Variants in CALCRL observed in about 807,000 individuals in gnomAD.
CALCRL encodes the protein calcitonin gene-related peptide type 1 receptor.
Under a neutral mutation model 60.4 loss-of-function variants are expected in CALCRL, and 27 were observed. That is an observed-to-expected ratio of 0.45 (90% confidence interval 0.33 to 0.62). CALCRL has a LOEUF of 0.62. CALCRL is among the 20% of genes least tolerant of loss of function. CALCRL has a pLI of 0.03. For missense variants in CALCRL, 424 were observed against 540.7 expected (o/e 0.78, Z 2.14); for synonymous variants, 190 against 182.6 (o/e 1.04, Z -0.33).
At chr2:187,437,441 G>A (rs1243254624) in intron 1 of CALCRL, among the ~76,000 whole-genome samples, 1 of 151,942 alleles carries the variant, frequency 6.6e-6, no homozygotes, top group Non-Finnish European at 1.5e-5. Flanking sequence ...TTTCTTTCAA[G>A]GCTTTTATTT....
intron 12 of CALCRL, among the ~76,000 whole-genome samples, chr2:187,354,687 A>C (rs1686693155): frequency 6.6e-6 from 1 of 152,016 alleles, no homozygotes; most frequent in African/African-American, 2.4e-5. Flanking sequence ...ACAAGATGGG[A>C]AAGTTTTAGG....
chr2:187,424,296 A>G (rs1690025033), intron 1 of CALCRL, among the ~76,000 whole-genome samples: 2 of 152,096 alleles, frequency 1.3e-5, no homozygotes, highest in African/African-American at 4.8e-5. Context: ...AGCTGCAAAT[A>G]TTTGTGTTGG....
At chr2:187,395,182 G>C (rs181700591) in intron 1 of CALCRL, among the ~76,000 whole-genome samples, 4 of 152,140 alleles carry the variant, frequency 2.6e-5, no homozygotes, top group Admixed American at 2.6e-4. Context: ...TCCAAGCTCA[G>C]AACTCAGGTT....
chr2:187,439,851 A>G (rs1384639348), intron 1 of CALCRL, among the ~76,000 whole-genome samples: 1 of 152,182 alleles, frequency 6.6e-6, no homozygotes, highest in Non-Finnish European at 1.5e-5. Flanking sequence ...GGCAGTAAGT[A>G]AACTTGTCTA....
chr2:187,409,152 A>C (rs1689254447), intron 1 of CALCRL, among the ~76,000 whole-genome samples: 1 of 152,116 alleles, frequency 6.6e-6, no homozygotes, highest in African/African-American at 2.4e-5. Flanking sequence ...ATAATGATGG[A>C]TAATAGCCTT....
chr2:187,382,754 T>A (rs1237029711), intron 5 of CALCRL, among the ~76,000 whole-genome samples: 3 of 152,074 alleles, frequency 2.0e-5, no homozygotes, highest in African/African-American at 7.2e-5. Flanking sequence ...CCAAATGTAC[T>A]ATGCAAAGTG....
At chr2:187,405,263 A>G (rs1258932080) in intron 1 of CALCRL, among the ~76,000 whole-genome samples, 6 of 152,020 alleles carry the variant, frequency 3.9e-5, no homozygotes, top group Admixed American at 6.6e-5. Context: ...GTAAAATTAT[A>G]TGTGAACATT....
rs550638494 is a variant in CALCRL, at chr2:187,372,092, C to CTTT, written c.500+6847_500+6848insAAA. 4.3e-3 allele frequency among the ~76,000 whole-genome samples: 650 copies of CTTT among 151,818 alleles called. 4 individuals are homozygous for CTTT. The highest frequency in any genetic ancestry group is 0.015 in the African/African-American group (618 of 41,400). On this transcript the variant is annotated intron_variant, in intron 8 of 14. Transcript: ENST00000392370. ...TAGTTCCAAATATGCAACTTGGCTT[C>CTTT]TAAATTGTTTGGGGTCAGTATCTGA...
chr2:187,364,152 CAA>C (rs1687177375), intron 8 of CALCRL, among the ~76,000 whole-genome samples: 1 of 148,846 alleles, frequency 6.7e-6, no homozygotes, highest in Non-Finnish European at 1.5e-5. Flanking sequence ...TTGTATAAAA[CAA>C]AAGAGAGTTC....
At chr2:187,421,979 A>T (rs921552338) in intron 1 of CALCRL, among the ~76,000 whole-genome samples, 1 of 152,224 alleles carries the variant, frequency 6.6e-6, no homozygotes, top group Non-Finnish European at 1.5e-5. Context: ...AGTGGACAAA[A>T]GGAAAGATAT....
intron 8 of CALCRL, among the ~76,000 whole-genome samples, chr2:187,370,919 T>A (rs1158093702): frequency 6.6e-6 from 1 of 152,252 alleles, no homozygotes; most frequent in Non-Finnish European, 1.5e-5. Flanking sequence ...CACTAACTGA[T>A]TAAAATTCAT....
At chr2:187,415,225 C>T (rs914136824) in intron 1 of CALCRL, among the ~76,000 whole-genome samples, 1 of 152,148 alleles carries the variant, frequency 6.6e-6, no homozygotes, top group Non-Finnish European at 1.5e-5. Context: ...TAGACAAATG[C>T]TTCCTAAATG....
At chr2:187,408,559 A>G (rs1689229548) in intron 1 of CALCRL, among the ~76,000 whole-genome samples, 1 of 152,104 alleles carries the variant, frequency 6.6e-6, no homozygotes, top group Non-Finnish European at 1.5e-5. Flanking sequence ...AAATAAATGT[A>G]TTTACTCTAA....
At chr2:187,435,190 TA>T (rs1690578802) in intron 1 of CALCRL, among the ~76,000 whole-genome samples, 1 of 152,138 alleles carries the variant, frequency 6.6e-6, no homozygotes, top group Non-Finnish European at 1.5e-5. Context: ...GCAGGCTGTA[TA>T]AGCATGGCTC....
rs181254249 is a variant in CALCRL at position 187,440,165 on chromosome 2, G to A, written c.-293+7874C>T. 2.7e-4 allele frequency among the ~76,000 whole-genome samples: 41 copies of A among 151,800 alleles called. 1 individual carries two copies. The East Asian group carries it at 6.4e-3, about 24-fold the overall frequency. On this transcript the variant is annotated intron_variant, in intron 1 of 14. Coordinates refer to ENST00000392370, the MANE Select transcript of CALCRL (RefSeq NM_005795.6). The stretch of plus-strand genomic sequence containing the variant: ...GTTTTTAAACTGGAATGGATATACT[G>A]TAGTAACTGATGTCCATATGCATAT...
intron 8 of CALCRL, among the ~76,000 whole-genome samples, chr2:187,367,030 T>C (rs1023859561): frequency 1.1e-4 from 17 of 151,662 alleles, no homozygotes; most frequent in Non-Finnish European, 1.0e-4. Context: ...ACCCAAACAA[T>C]ATCATTATGG....
At chr2:187,425,493 A>G (rs1376367667) in intron 1 of CALCRL, among the ~76,000 whole-genome samples, 2 of 151,914 alleles carry the variant, frequency 1.3e-5, no homozygotes, top group Non-Finnish European at 2.9e-5. Context: ...TCCATCTGAT[A>G]CATGTAATAT....
Position 187,352,154 on chromosome 2 carries a change from T to C in CALCRL, c.1088A>G (p.Glu363Gly). Reference sequence around the variant, plus strand: ...GATGTGCATGATGTAGTCATATACCTCCTCTGCAATCTTTCCTTCAGGTCG... The same window carrying C: ...GATGTGCATGATGTAGTCATATACCCCCTCTGCAATCTTTCCTTCAGGTCG... The part of the protein sequence containing the change: ...PWRPEGKIAE[E>G]VYDYIMHILM... The change falls in exon 13 of 15, where the codon GAG (glutamate) becomes GGG (glycine). Residue 363 changes from glutamate (E) to glycine (G), a missense_variant. Coordinates refer to ENST00000392370, the MANE Select transcript of CALCRL (RefSeq NM_005795.6). 3 of 1,612,396 alleles carry C rather than the reference T, an allele frequency of 1.9e-6. No individual in the cohort carries two copies. Among genetic ancestry groups the C allele is most frequent in the Non-Finnish European group, 2.5e-6 (3 of 1,178,920 alleles).
chr2:187,364,458 ATG>A (rs561065470), intron 8 of CALCRL, among the ~76,000 whole-genome samples: 152 of 151,924 alleles, frequency 1.0e-3, no homozygotes, highest in African/African-American at 3.5e-3. Flanking sequence ...AAATTTCATG[ATG>A]TGTGTGTGTG....
Sources: gnomAD v4.1 joint callset for allele counts (sites outside exome capture counted in the v4.1 genomes callset) on GRCh38, gnomAD v4.1.1 for gene constraint, MANE v1.5 for transcripts, NCBI Gene and HGNC (gene_info 2026-07-23, HGNC 2026-07-21) for gene names.